RSRC1: variants seen among roughly 807,000 people sequenced by gnomAD.
RSRC1 encodes arginine and serine rich coiled-coil 1.
Under a neutral mutation model 49.1 loss-of-function variants are expected in RSRC1, and 39 were observed. The ratio of observed to expected loss-of-function variants is 0.79; its 90% CI spans 0.61 to 1.04. The LOEUF is 1.04. Ranked by LOEUF, RSRC1 falls within the 50% of genes least tolerant of loss-of-function variation. RSRC1 has a pLI of 0.00. For missense variants in RSRC1, 388 were observed against 402.4 expected, an observed-to-expected ratio of 0.96 and a Z score of 0.31; for synonymous variants, 143 against 130.8, an observed-to-expected ratio of 1.09 and a Z score of -0.63.
intron 5 of RSRC1, among the ~76,000 whole-genome samples, chr3:158,330,323 T>A (rs1729473426): frequency 1.3e-5 from 2 of 152,228 alleles, no homozygotes; most frequent in Admixed American, 1.3e-4. Context: ...TCGCTCACTC[T>A]GGGAGCTGTA....
intron 4 of RSRC1, among the ~76,000 whole-genome samples, chr3:158,293,863 T>C (rs981109900): frequency 6.6e-6 from 1 of 152,134 alleles, no homozygotes; most frequent in African/African-American, 2.4e-5. Context: ...CATTGTCTTC[T>C]TGTCTTCACT....
intron 8 of RSRC1, 115 bp from the exon 9 acceptor site, chr3:158,543,219 TG>T: frequency 2.7e-6 from 2 of 753,696 alleles, no homozygotes; most frequent in Non-Finnish European, 3.8e-6. Context: ...TTTTTGGAGA[TG>T]GGTATCATCT....
At chr3:158,518,168 T>TTTTTTTTTTTTTTA (rs1740705265) in intron 7 of RSRC1, among the ~76,000 whole-genome samples, 2 of 124,456 alleles carry the variant, frequency 1.6e-5, no homozygotes, top group South Asian at 2.4e-4. Context: ...TTTTTTTTTT[T>TTTTTTTTTTTTTTA]ACTCCCATAC....
intron 4 of RSRC1, among the ~76,000 whole-genome samples, chr3:158,262,609 G>A (rs1206866041): frequency 1.3e-5 from 2 of 151,996 alleles, no homozygotes; most frequent in African/African-American, 4.8e-5. Context: ...ATCCTGCTTT[G>A]ATTTTTATTA....
chr3:158,199,677 T>C (rs1720912891), intron 3 of RSRC1, among the ~76,000 whole-genome samples: 1 of 152,206 alleles, frequency 6.6e-6, no homozygotes, highest in African/African-American at 2.4e-5. Context: ...AACGTTGCTT[T>C]ATCTGCATCC....
chr3:158,151,264 TA>T (rs1472639130), intron 3 of RSRC1, among the ~76,000 whole-genome samples: 13 of 152,192 alleles, frequency 8.5e-5, no homozygotes, highest in African/African-American at 3.1e-4. Context: ...AGGAAGTGGA[TA>T]ATCGTGAAGC....
chr3:158,434,623 G>A (rs2108362147), intron 6 of RSRC1, among the ~76,000 whole-genome samples: 1 of 151,888 alleles, frequency 6.6e-6, no homozygotes, highest in South Asian at 2.1e-4. Flanking sequence ...GCGAAACTCG[G>A]GTGCTGTATA....
intron 7 of RSRC1, among the ~76,000 whole-genome samples, chr3:158,529,353 A>G (rs77192853): frequency 0.013 from 1,898 of 151,812 alleles, 46 homozygotes; most frequent in African/African-American, 0.042. Flanking sequence ...GAAAAAATAA[A>G]TTGTTGCTTG....
At chr3:158,136,640 A>C (rs1716394734) in intron 3 of RSRC1, 1 of 152,132 alleles carries the variant, frequency 6.6e-6, no homozygotes, top group African/African-American at 2.4e-5. Context: ...AGGGAAGATA[A>C]GGTAAGCAAG....
At chr3:158,491,296 G>A (rs1739073405) in intron 7 of RSRC1, among the ~76,000 whole-genome samples, 1 of 152,178 alleles carries the variant, frequency 6.6e-6, no homozygotes, top group East Asian at 1.9e-4. Context: ...AAAATGAGAA[G>A]TGTTCTTCAT....
chr3:158,285,551 A>G (rs1422314175), intron 4 of RSRC1, among the ~76,000 whole-genome samples: 3 of 151,992 alleles, frequency 2.0e-5, no homozygotes, highest in East Asian at 1.9e-4. Flanking sequence ...ATTTCTTTGT[A>G]TCCTCTTTTA....
intron 4 of RSRC1, among the ~76,000 whole-genome samples, chr3:158,209,200 T>C (rs1196620499): frequency 1.3e-5 from 2 of 152,136 alleles, no homozygotes; most frequent in Admixed American, 1.3e-4. Flanking sequence ...ATTGCGGCAG[T>C]GTTGGGAGGT....
intron 7 of RSRC1, among the ~76,000 whole-genome samples, chr3:158,474,241 G>A (rs1378509767): frequency 1.3e-5 from 2 of 152,084 alleles, no homozygotes; most frequent in African/African-American, 2.4e-5. Context: ...ATCTCAATAA[G>A]GCCAGTCACA....
chr3:158,359,869 G>A (rs915808990), intron 6 of RSRC1, among the ~76,000 whole-genome samples: 9 of 152,340 alleles, frequency 5.9e-5, no homozygotes, highest in East Asian at 3.9e-4. Context: ...ACAAGATGAA[G>A]AGGGGCTTAT....
intron 4 of RSRC1, among the ~76,000 whole-genome samples, chr3:158,219,918 T>C (rs1722138860): frequency 6.6e-6 from 1 of 151,562 alleles, no homozygotes; most frequent in South Asian, 2.1e-4. Flanking sequence ...TGAAAATCAA[T>C]GGGGTTTCCT....
intron 6 of RSRC1, among the ~76,000 whole-genome samples, chr3:158,377,097 G>A (rs983657046): frequency 6.6e-6 from 1 of 152,080 alleles, no homozygotes; most frequent in African/African-American, 2.4e-5. Context: ...TGTTGTTAAT[G>A]TATGTAATGT....
At chr3:158,288,481 G>A (rs984864879) in intron 4 of RSRC1, among the ~76,000 whole-genome samples, 1 of 152,194 alleles carries the variant, frequency 6.6e-6, no homozygotes, top group Non-Finnish European at 1.5e-5. Context: ...TGGAAAGAGA[G>A]TTGTCATTGA....
At chr3:158,507,888 CAT>C (rs1011580489) in intron 7 of RSRC1, among the ~76,000 whole-genome samples, 10 of 152,114 alleles carry the variant, frequency 6.6e-5, no homozygotes, top group African/African-American at 2.4e-4. Context: ...GCCTAGGTAA[CAT>C]AGTGAGACCC....
chr3:158,126,111 C>T (rs377336168), intron 3 of RSRC1, among the ~76,000 whole-genome samples: 17 of 152,126 alleles, frequency 1.1e-4, no homozygotes, highest in African/African-American at 3.6e-4. Context: ...CTTTTGTAAA[C>T]AGCATATACT....
Sources: gnomAD v4.1 joint callset for allele counts (sites outside exome capture counted in the v4.1 genomes callset) on GRCh38, gnomAD v4.1.1 for gene constraint, MANE v1.5 for transcripts, NCBI Gene and HGNC (gene_info 2026-07-23, HGNC 2026-07-21) for gene names.